The following MAEL variants were observed in gnomAD, a reference collection of about 807,000 sequenced individuals.
MAEL encodes the protein protein maelstrom homolog.
MAEL carries 46 observed loss-of-function variants against 62.0 expected under a neutral mutation model. The ratio of observed to expected loss-of-function variants is 0.74; its 90% CI spans 0.59 to 0.95. The LOEUF (loss-of-function observed/expected upper bound fraction) is 0.95. Ranked by LOEUF, MAEL falls within the 40% of genes least tolerant of loss-of-function variation. The pLI is 0.00. For missense variants in MAEL, 497 were observed against 526.8 expected, an observed-to-expected ratio of 0.94 and a Z score of 0.55; for synonymous variants, 172 against 175.5, an observed-to-expected ratio of 0.98 and a Z score of 0.16.
Position 167,021,929 on chromosome 1 carries a change from A to T in MAEL, c.*74A>T. The T allele has an allele frequency of 1.1e-6, 1 of 888,990 alleles. No homozygotes were observed. The highest frequency in any genetic ancestry group is 2.1e-5 in the South Asian group (1 of 47,648). The allele number at this position is 888,990 out of a possible 1,614,324, so 55.1% of individuals were successfully genotyped here. On this transcript the variant is annotated 3_prime_UTR_variant, in exon 12 of 12. Transcript: ENST00000367872. ...TTCTTACTACAGTCATATTAAACAGATCACATCAATGACAAATGTCACTAC... is the reference window on the plus strand; with the variant it reads ...TTCTTACTACAGTCATATTAAACAGTTCACATCAATGACAAATGTCACTAC...
intron 8 of MAEL, among the ~76,000 whole-genome samples, chr1:167,009,613 G>A (rs529437515): frequency 6.7e-6 from 1 of 149,922 alleles, no homozygotes; most frequent in South Asian, 2.1e-4. Flanking sequence ...TTAGATCATA[G>A]TTTAATGTTA....
Position 167,014,962 on chromosome 1 carries a change from T to C in MAEL, c.846-1260T>C, listed in dbSNP as rs964391467. Among the ~76,000 whole-genome samples, 20 of 152,150 alleles carry C rather than the reference T, an allele frequency of 1.3e-4. 1 individual carries two copies. Among genetic ancestry groups the C allele is most frequent in the African/African-American group, 3.4e-4 (14 of 41,424 alleles). On this transcript the variant is annotated intron_variant, in intron 8 of 11. Coordinates refer to ENST00000367872, the MANE Select transcript of MAEL (RefSeq NM_032858.3). ...TCATTTGAACCCTGGAGGTGGAGGT[T>C]GCAGTGAGCAGAGATCGCGCCTCAT...
chr1:166,995,753 G>T (rs947833906), intron 5 of MAEL, among the ~76,000 whole-genome samples: 4 of 151,904 alleles, frequency 2.6e-5, no homozygotes, highest in African/African-American at 9.7e-5. Flanking sequence ...TCTGTTTCAG[G>T]TTTATTCATC....
chr1:166,977,354 G>A (rs939911204), intron 1 of MAEL, among the ~76,000 whole-genome samples: 2 of 152,138 alleles, frequency 1.3e-5, no homozygotes, highest in Non-Finnish European at 2.9e-5. Context: ...CCTAACACTT[G>A]TGGGTTTCCT....
intron 5 of MAEL, among the ~76,000 whole-genome samples, chr1:167,000,849 A>T (rs1664630224): frequency 6.6e-6 from 1 of 152,230 alleles, no homozygotes; most frequent in African/African-American, 2.4e-5. Context: ...GAAATTCCTT[A>T]ATGAACTAAA....
Position 167,022,079 on chromosome 1 carries a change from G to A in MAEL, c.*224G>A. 1 of 446,988 alleles carries A rather than the reference G, an allele frequency of 2.2e-6. No individual in the cohort carries two copies. Among genetic ancestry groups the A allele is most frequent in the African/African-American group, 2.0e-5 (1 of 50,224 alleles). The allele number at this position is 446,988 out of a possible 1,614,324, so 27.7% of individuals were successfully genotyped here. ...GTTCTGCTTCCTGGCTGTATGATGG[G>A]TATATCATTAAAGTTTGGAGTCCTA... On this transcript the variant is annotated 3_prime_UTR_variant, in exon 12 of 12. Coordinates refer to ENST00000367872, the MANE Select transcript of MAEL (RefSeq NM_032858.3).
At chr1:166,992,890 T>C (rs757444385) in intron 4 of MAEL, 49 bp downstream of exon 4, 1 of 1,447,106 alleles carries the variant, frequency 6.9e-7, no homozygotes, top group East Asian at 2.5e-5. Context: ...TGGTTTTTTT[T>C]TTTAAATCTT....
upstream of MAEL, among the ~76,000 whole-genome samples, chr1:166,987,721 GA>G (rs1306346521): frequency 1.3e-5 from 2 of 152,122 alleles, no homozygotes; most frequent in African/African-American, 2.4e-5. Context: ...TAAGAAAACT[GA>G]GAAGACTAAT....
Position 167,005,089 on chromosome 1 carries a change from C to T in MAEL, c.662C>T (p.Thr221Ile), listed in dbSNP as rs369125241. Reference sequence around the variant, plus strand: ...TGCTTTCTCCAGTCTGATGATAGAACCAGAGTCAACTGGTGTTTGAAGCAT... The same window carrying T: ...TGCTTTCTCCAGTCTGATGATAGAATCAGAGTCAACTGGTGTTTGAAGCAT... The part of the protein sequence containing the change: ...PPIYCKSDDR[T>I]RVNWCLKHMA... The change falls in exon 7 of 12, where the codon ACC becomes ATC. Residue 221 changes from threonine (T) to isoleucine (I), a missense_variant. By Grantham distance (89) the Thr-to-Ile change is moderately conservative. Transcript: ENST00000367872. The T allele has an allele frequency of 1.9e-6, 3 of 1,613,266 alleles. No homozygotes were observed. Among genetic ancestry groups the T allele is most frequent in the Admixed American group, 3.3e-5 (2 of 59,896 alleles).
At chr1:166,984,267 C>T (rs988398420), upstream of MAEL, among the ~76,000 whole-genome samples, 2 of 152,112 alleles carry the variant, frequency 1.3e-5, no homozygotes, top group African/African-American at 4.8e-5. Flanking sequence ...CCTTTCTGTT[C>T]GAGGTTGCCA....
Position 167,022,141 on chromosome 1 carries a change from G to T in MAEL, c.*286G>T. 1 of 283,620 alleles carries T rather than the reference G, an allele frequency of 3.5e-6. No individual in the cohort carries two copies. Among genetic ancestry groups the T allele is most frequent in the South Asian group, 7.6e-5 (1 of 13,148 alleles). 17.6% of individuals were successfully genotyped at this position (283,620 alleles called of 1,614,324 possible). On this transcript the variant is annotated 3_prime_UTR_variant, in exon 12 of 12. Transcript: ENST00000367872. Reference sequence around the variant, plus strand: ...CTGACATTTTTAGAGTTGTACTTTTGGGAATGTTATAGATTGATCATTCTT... The same window carrying T: ...CTGACATTTTTAGAGTTGTACTTTTTGGAATGTTATAGATTGATCATTCTT...
intron 5 of MAEL, among the ~76,000 whole-genome samples, chr1:166,995,644 C>T (rs1449221225): frequency 6.7e-6 from 1 of 149,732 alleles, no homozygotes; most frequent in Non-Finnish European, 1.5e-5. Flanking sequence ...CCAACTGTTA[C>T]ATCATCTGAG....
At position 167,021,902 on chromosome 1, in the gene MAEL, C is replaced by T. The variant is rs1368429971; in HGVS notation, c.*47C>T. ...CTGAAAACAGTAACAGGCCCAACTTCCTTCTTACTACAGTCATATTAAACA... is the reference window on the plus strand; with the variant it reads ...CTGAAAACAGTAACAGGCCCAACTTTCTTCTTACTACAGTCATATTAAACA... On this transcript the variant is annotated 3_prime_UTR_variant, in exon 12 of 12. Transcript: ENST00000367872. 3.2e-6 allele frequency: 4 copies of T among 1,250,724 alleles called. No homozygotes were observed. The allele number at this position is 1,250,724 out of a possible 1,614,324, so 77.5% of individuals were successfully genotyped here. A position where few individuals can be genotyped will look rare whatever the true frequency, so the allele number is the denominator to read the frequency against.
intron 8 of MAEL, among the ~76,000 whole-genome samples, chr1:167,014,812 C>G (rs1302432564): frequency 7.2e-5 from 11 of 152,118 alleles, no homozygotes; most frequent in Non-Finnish European, 1.3e-4. Context: ...CACCTGAGGT[C>G]AGCAGTTCGA....
intron 1 of MAEL, among the ~76,000 whole-genome samples, chr1:166,976,373 A>C (rs925249560): frequency 2.0e-5 from 3 of 152,242 alleles, no homozygotes; most frequent in Non-Finnish European, 4.4e-5. Flanking sequence ...AAGTGGAATG[A>C]GATAGACTTC....
intron 6 of MAEL, among the ~76,000 whole-genome samples, chr1:167,004,630 G>A (rs971088247): frequency 5.3e-5 from 8 of 151,936 alleles, no homozygotes; most frequent in Non-Finnish European, 1.0e-4. Context: ...CCTATCTTTC[G>A]AAACAAGAAT....
At chr1:166,980,858 A>T (rs1467110591) in intron 1 of MAEL, among the ~76,000 whole-genome samples, 1 of 152,194 alleles carries the variant, frequency 6.6e-6, no homozygotes, top group Non-Finnish European at 1.5e-5. Flanking sequence ...TACAGTTTAC[A>T]CGATGAAGCT....
At chr1:166,984,290 T>C (rs554523037), upstream of MAEL, among the ~76,000 whole-genome samples, 1 of 152,318 alleles carries the variant, frequency 6.6e-6, no homozygotes, top group South Asian at 2.1e-4. Context: ...ATCACCCACA[T>C]GGACTCCTGA....
chr1:166,977,224 T>G (rs1193550498), intron 1 of MAEL, among the ~76,000 whole-genome samples: 1 of 152,210 alleles, frequency 6.6e-6, no homozygotes, highest in Non-Finnish European at 1.5e-5. Flanking sequence ...CCCAATATCC[T>G]TTCATAAACT....
Sources: allele counts gnomAD v4.1 joint callset (sites outside exome capture counted in the v4.1 genomes callset), GRCh38; gene constraint gnomAD v4.1.1; transcripts MANE v1.5; gene names NCBI Gene and HGNC (gene_info 2026-07-23, HGNC 2026-07-21).